Variants in GNA12 observed in about 807,000 individuals in gnomAD.
GNA12 encodes the protein guanine nucleotide-binding protein subunit alpha-12.
GNA12 carries 9 observed loss-of-function variants against 26.0 expected under a neutral mutation model. That is an observed-to-expected ratio of 0.35 (90% confidence interval 0.21 to 0.60). The LOEUF (loss-of-function observed/expected upper bound fraction) is 0.60. GNA12 is among the 20% of genes least tolerant of loss of function. The pLI is 0.78. For synonymous variants in GNA12, 264 were observed against 219.6 expected (o/e 1.20, Z -1.79); for missense variants, 405 against 525.8 (o/e 0.77, Z 2.25).
At chr7:2,741,681 C>A (rs541197466) in intron 2 of GNA12, among the ~76,000 whole-genome samples, 63 of 152,130 alleles carry the variant, frequency 4.1e-4, no homozygotes, top group Non-Finnish European at 2.9e-4. Flanking sequence ...ATCCTTCGCT[C>A]GCTCTCTTTC....
chr7:2,834,639 G>A (rs914660583), intron 1 of GNA12, among the ~76,000 whole-genome samples: 1 of 152,172 alleles, frequency 6.6e-6, no homozygotes, highest in African/African-American at 2.4e-5. Context: ...AAACAGTCAC[G>A]CACTGCATAA....
chr7:2,814,077 G>A (rs1464570873), intron 1 of GNA12, among the ~76,000 whole-genome samples: 1 of 152,196 alleles, frequency 6.6e-6, no homozygotes, highest in Non-Finnish European at 1.5e-5. Context: ...CGGCTGCCCA[G>A]GTTCTCAGGC....
At chr7:2,746,902 T>C (rs931462190) in intron 2 of GNA12, among the ~76,000 whole-genome samples, 2 of 152,110 alleles carry the variant, frequency 1.3e-5, no homozygotes, top group African/African-American at 4.8e-5. Context: ...TCTACGCAAA[T>C]AAACTAGAAA....
In GNA12 at chr7:2,781,407, A is replaced by AGTCT. The variant is rs1583276336; in HGVS notation, c.525+13520_525+13521insAGAC. ...TTGGTCTCTAATCCATTTCAAAGTA[A>AGTCT]GTGTCTGTGTGTGTGTGTGTGTGTG... On this transcript the variant is annotated intron_variant, in intron 2 of 3. Coordinates refer to ENST00000275364, the MANE Select transcript of GNA12 (RefSeq NM_007353.3). Among the ~76,000 whole-genome samples the AGTCT allele has an allele frequency of 2.5e-4, 15 of 58,928 alleles. No individual in the cohort carries two copies. The East Asian group carries it at 9.9e-3, about 39-fold the overall frequency. 38.7% of individuals were successfully genotyped at this position (58,928 alleles called of 152,430 possible).
chr7:2,835,080 T>C (rs1463790350), intron 1 of GNA12, among the ~76,000 whole-genome samples: 1 of 152,198 alleles, frequency 6.6e-6, no homozygotes, highest in African/African-American at 2.4e-5. Context: ...TTCTAGTCTA[T>C]ATAACAAGGA....
rs761630254 is a variant in GNA12, at chr7:2,731,361, G to C, written c.966C>G (p.His322Gln). The C allele has an allele frequency of 1.2e-6, 2 of 1,614,032 alleles. No homozygotes were observed. Among genetic ancestry groups the C allele is most frequent in the Non-Finnish European group, 1.7e-6 (2 of 1,179,970 alleles). ...KHFPDFRGDPHRLEDVQRYLV... is the reference protein window; with the variant it reads ...KHFPDFRGDPQRLEDVQRYLV... Reference sequence around the variant, plus strand: ...GGTAGCGCTGGACGTCCTCCAGCCTGTGCGGGTCGCCCCTGAAGTCCGGGA... The same window carrying C: ...GGTAGCGCTGGACGTCCTCCAGCCTCTGCGGGTCGCCCCTGAAGTCCGGGA... The change falls in exon 4 of 4, where the codon CAC becomes CAG. Residue 322 changes from histidine (H) to glutamine (Q), a missense_variant. Physicochemically the swap from His to Gln is conservative, Grantham distance 24. Transcript: ENST00000275364. The surrounding 1 kb of genome is among the most constrained non-coding windows in gnomAD (Gnocchi z 6.0).
chr7:2,835,546 A>C, intron 1 of GNA12: 3 of 476,992 alleles, frequency 6.3e-6, no homozygotes, highest in East Asian at 3.7e-5. Flanking sequence ...TTGCCAGGGA[A>C]TTCTGGGCCG....
intron 1 of GNA12, among the ~76,000 whole-genome samples, chr7:2,837,397 TGAGA>T (rs923300757): frequency 3.1e-4 from 47 of 152,184 alleles, no homozygotes; most frequent in African/African-American, 1.0e-3. Context: ...CAGAAGGAGA[TGAGA>T]GAGAGGGACT....
At chr7:2,809,406 T>C (rs1478161588) in intron 1 of GNA12, among the ~76,000 whole-genome samples, 2 of 152,158 alleles carry the variant, frequency 1.3e-5, no homozygotes, top group East Asian at 3.9e-4. Context: ...TGATAAAAAA[T>C]ACACAAACCA....
chr7:2,791,092 T>C (rs897655006), intron 2 of GNA12, among the ~76,000 whole-genome samples: 1 of 152,218 alleles, frequency 6.6e-6, no homozygotes, highest in African/African-American at 2.4e-5. Context: ...CATTAGTTAA[T>C]GAGCAAGCTA....
At chr7:2,738,638 G>T (rs1229211169) in intron 2 of GNA12, among the ~76,000 whole-genome samples, 2 of 152,034 alleles carry the variant, frequency 1.3e-5, no homozygotes, top group Non-Finnish European at 2.9e-5. Context: ...GGGAATGGGG[G>T]ATGGGACAGA....
At chr7:2,748,200 A>T (rs1305720765) in intron 2 of GNA12, among the ~76,000 whole-genome samples, 1 of 151,240 alleles carries the variant, frequency 6.6e-6, no homozygotes, top group African/African-American at 2.4e-5. Flanking sequence ...CTGCATCGCC[A>T]AGTCAATCCT....
chr7:2,792,183 C>T (rs1792537237), intron 2 of GNA12, among the ~76,000 whole-genome samples: 2 of 152,182 alleles, frequency 1.3e-5, no homozygotes, highest in Non-Finnish European at 2.9e-5. Flanking sequence ...CTGCTATATC[C>T]CCAGCATGTA....
chr7:2,735,987 C>T (rs537763365), intron 2 of GNA12, among the ~76,000 whole-genome samples: 3 of 152,282 alleles, frequency 2.0e-5, no homozygotes, highest in East Asian at 1.9e-4. Flanking sequence ...TGGTGCACTG[C>T]GGTTCACCAA....
At chr7:2,732,559 A>C (rs1006820576) in intron 3 of GNA12, among the ~76,000 whole-genome samples, 1 of 152,088 alleles carries the variant, frequency 6.6e-6, no homozygotes, top group Non-Finnish European at 1.5e-5. Context: ...AAATCGAAAA[A>C]CAAAACAGAA....
intron 2 of GNA12, among the ~76,000 whole-genome samples, chr7:2,769,158 C>T (rs534741901): frequency 6.6e-5 from 10 of 152,254 alleles, no homozygotes; most frequent in African/African-American, 2.4e-4. Flanking sequence ...ACCGTCTTGG[C>T]CTCCCAAAGT....
chr7:2,841,883 C>T (rs907496393), intron 1 of GNA12, among the ~76,000 whole-genome samples: 1 of 152,070 alleles, frequency 6.6e-6, no homozygotes, highest in African/African-American at 2.4e-5. Flanking sequence ...GGCAGGTTTT[C>T]TGGCATGGCA....
At chr7:2,739,433 G>GC (rs1243699994) in intron 2 of GNA12, among the ~76,000 whole-genome samples, 1 of 152,088 alleles carries the variant, frequency 6.6e-6, no homozygotes, top group Non-Finnish European at 1.5e-5. Context: ...TCCGAGGCTC[G>GC]CCCATGCTGT....
At position 2,794,951 on chromosome 7, in the gene GNA12, T is replaced by C. The variant is rs747827635; in HGVS notation, c.502A>G (p.Ser168Gly). ...WRDSGIREAF[S>G]RRSEFQLGES... ...ACCAGCTGAAACTCGCTTCTCCGGC[T>C]GAAAGCCTCCCTGATGCCAGAATCC... The change falls in exon 2 of 4, where the codon AGC becomes GGC. Residue 168 changes from serine (S) to glycine (G), a missense_variant. Physicochemically the swap from Ser to Gly is moderately conservative, Grantham distance 56. Coordinates refer to ENST00000275364, the MANE Select transcript of GNA12 (RefSeq NM_007353.3). The C allele has an allele frequency of 6.2e-7, 1 of 1,614,110 alleles. No homozygotes were observed. Among genetic ancestry groups the C allele is most frequent in the Non-Finnish European group, 8.5e-7 (1 of 1,179,928 alleles).
Sources: gnomAD v4.1 joint callset for allele counts (sites outside exome capture counted in the v4.1 genomes callset) on GRCh38, gnomAD v4.1.1 for gene constraint, Gnocchi (gnomAD v3.1) non-coding constraint, MANE v1.5 for transcripts, NCBI Gene and HGNC (gene_info 2026-07-23, HGNC 2026-07-21) for gene names.